The following POMK variants were observed in gnomAD, a reference collection of about 807,000 sequenced individuals.
POMK encodes protein O-mannose kinase.
In POMK, 19 loss-of-function variants were observed where a neutral mutation model predicts 23.0. The observed-to-expected ratio is 0.83, with a 90% CI of 0.58 to 1.21. POMK has a LOEUF of 1.21. POMK is among the 50% of genes most tolerant of loss of function. POMK has a pLI of 0.00. For missense variants in POMK, 410 were observed against 431.3 expected (o/e 0.95, Z 0.44); for synonymous variants, 173 against 171.6 (o/e 1.01, Z -0.06).
chr8:43,120,837 C>G (rs1811903037), intron 4 of POMK, among the ~76,000 whole-genome samples: 2 of 152,066 alleles, frequency 1.3e-5, no homozygotes, highest in African/African-American at 4.8e-5. Context: ...ACCACCACGC[C>G]TGGCTAATTT....
At chr8:43,113,225 C>T (rs1811717320) in intron 4 of POMK, among the ~76,000 whole-genome samples, 1 of 152,170 alleles carries the variant, frequency 6.6e-6, no homozygotes, top group African/African-American at 2.4e-5. Context: ...TGGTTCCATT[C>T]TCCCCATCAC....
In POMK at chr8:43,108,031, T is replaced by C. The variant is rs575816235; in HGVS notation, c.282+4201T>C. On this transcript the variant is annotated intron_variant, in intron 4 of 4. Coordinates refer to ENST00000331373, the MANE Select transcript of POMK (RefSeq NM_032237.5). ...CTTTTTAAATTGCCTTTGATGGAAC[T>C]CTGTTCCATAAGGAATCTCAGATAA... Among the ~76,000 whole-genome samples the C allele has an allele frequency of 2.6e-5, 4 of 152,336 alleles. No individual in the cohort carries two copies. In the South Asian group the frequency reaches 8.3e-4, roughly 32 times the overall value.
At chr8:43,117,630 A>G (rs906106331) in intron 4 of POMK, among the ~76,000 whole-genome samples, 1 of 152,270 alleles carries the variant, frequency 6.6e-6, no homozygotes, top group African/African-American at 2.4e-5. Flanking sequence ...GATAAAGGAC[A>G]GTGAACAGAC....
In POMK at chr8:43,103,739, A is replaced by G. The variant is rs1284742706; in HGVS notation, c.191A>G (p.Gln64Arg). 1 of 1,614,254 alleles carries G rather than the reference A, an allele frequency of 6.2e-7. No individual in the cohort carries two copies. The highest frequency in any genetic ancestry group is 1.3e-5 in the African/African-American group (1 of 75,068). ...HCPYGHFRIG[Q>R]MKNCSPWLSC... ...CCCTATGGTCACTTCAGGATAGGAC[A>G]GATGAAAAACTGCTCACCTTGGCTG... is the stretch of plus-strand genomic sequence containing the variant. Residue 64 changes from glutamine to arginine, a missense_variant, in exon 4 of 5, where the codon CAG (glutamine) becomes CGG (arginine). By Grantham distance (43) the Gln-to-Arg change is conservative (BLOSUM62 1). Coordinates refer to ENST00000331373, the MANE Select transcript of POMK (RefSeq NM_032237.5).
chr8:43,113,077 C>G (rs891061316), intron 4 of POMK, among the ~76,000 whole-genome samples: 1 of 152,128 alleles, frequency 6.6e-6, no homozygotes, highest in Admixed American at 6.5e-5. Context: ...GTGAATCTCA[C>G]AATTATGTGT....
chr8:43,112,490 G>T (rs1811695368), intron 4 of POMK, among the ~76,000 whole-genome samples: 1 of 152,202 alleles, frequency 6.6e-6, no homozygotes, highest in African/African-American at 2.4e-5. Context: ...AAAACACTCT[G>T]CAGGATATTA....
chr8:43,114,692 GTC>G (rs770448875), intron 4 of POMK, among the ~76,000 whole-genome samples: 1 of 152,242 alleles, frequency 6.6e-6, no homozygotes, highest in Non-Finnish European at 1.5e-5. Context: ...GAAATCACCT[GTC>G]TTCTGCGTCG....
chr8:43,108,136 C>T (rs564197826), intron 4 of POMK, among the ~76,000 whole-genome samples: 3 of 152,292 alleles, frequency 2.0e-5, no homozygotes, highest in African/African-American at 7.2e-5. Flanking sequence ...CCTCTTGATG[C>T]CCCTAGATAA....
At chr8:43,100,053 T>G (rs1348035136) in intron 2 of POMK, among the ~76,000 whole-genome samples, 1 of 152,156 alleles carries the variant, frequency 6.6e-6, no homozygotes. Context: ...GAGAGTCATC[T>G]GAGAGGGCAC....
At chr8:43,113,035 A>AATC (rs1227303665) in intron 4 of POMK, among the ~76,000 whole-genome samples, 2 of 152,246 alleles carry the variant, frequency 1.3e-5, no homozygotes, top group African/African-American at 4.8e-5. Flanking sequence ...CTAACATCAT[A>AATC]ATCACAGGAT....
intron 2 of POMK, among the ~76,000 whole-genome samples, chr8:43,098,865 A>G (rs1407571796): frequency 6.6e-6 from 1 of 152,224 alleles, no homozygotes; most frequent in Non-Finnish European, 1.5e-5. Flanking sequence ...GAAGCTGAGC[A>G]TCTTTCATGT....
At chr8:43,100,410 G>A (rs914971049) in intron 2 of POMK, among the ~76,000 whole-genome samples, 2 of 152,000 alleles carry the variant, frequency 1.3e-5, no homozygotes, top group African/African-American at 2.4e-5. Context: ...GGCCCAGTGT[G>A]TGTGCTAATG....
intron 4 of POMK, among the ~76,000 whole-genome samples, chr8:43,104,950 T>G (rs1049970137): frequency 6.6e-6 from 1 of 152,048 alleles, no homozygotes; most frequent in African/African-American, 2.4e-5. Flanking sequence ...AAAAAAAATA[T>G]GAAAATGATA....
chr8:43,112,182 G>A (rs1331780188), intron 4 of POMK, among the ~76,000 whole-genome samples: 9 of 152,144 alleles, frequency 5.9e-5, no homozygotes, highest in East Asian at 1.9e-4. Flanking sequence ...AAAATTAGAC[G>A]AATGGCTAAC....
chr8:43,114,522 C>G (rs1246251668), intron 4 of POMK, among the ~76,000 whole-genome samples: 1 of 152,230 alleles, frequency 6.6e-6, no homozygotes, highest in South Asian at 2.1e-4. Flanking sequence ...TCACCCCTTT[C>G]TTTGACTAGG....
At position 43,122,413 on chromosome 8, in the gene POMK, GTGGGCACACGGGTCATGT is replaced by G; in HGVS notation, c.590_607del (p.Val197_Cys203delinsGly). The G allele has an allele frequency of 1.9e-6, 3 of 1,614,202 alleles. No individual in the cohort carries two copies. Among genetic ancestry groups the G allele is most frequent in the Non-Finnish European group, 2.5e-6 (3 of 1,180,040 alleles). ...CATTAATTACCTGCACCACAGCCCT[GTGGGCACACGGGTCATGT>G]GCGACTCCAACGACCTGCCGAAGAC... On this transcript the variant is annotated inframe_deletion, in exon 5 of 5. Coordinates refer to ENST00000331373, the MANE Select transcript of POMK (RefSeq NM_032237.5).
intron 3 of POMK, 143 bp from the exon 4 acceptor site, chr8:43,103,384 TG>T: frequency 1.4e-6 from 1 of 720,620 alleles, no homozygotes; most frequent in African/African-American, 1.8e-5. Context: ...GGGATAAGCC[TG>T]GTGTTCGATA....
At chr8:43,099,158 C>G (rs1811390484) in intron 2 of POMK, among the ~76,000 whole-genome samples, 1 of 152,128 alleles carries the variant, frequency 6.6e-6, no homozygotes, top group South Asian at 2.1e-4. Flanking sequence ...ACTATGTTAC[C>G]CTGGCTGGTC....
chr8:43,100,081 G>T (rs530281645), intron 2 of POMK, among the ~76,000 whole-genome samples: 1 of 152,316 alleles, frequency 6.6e-6, no homozygotes, highest in African/African-American at 2.4e-5. Flanking sequence ...GAGTCCTTCG[G>T]GGCCTCTCTG....
Sources: gnomAD v4.1 joint callset for allele counts (sites outside exome capture counted in the v4.1 genomes callset) on GRCh38, gnomAD v4.1.1 for gene constraint, MANE v1.5 for transcripts, NCBI Gene and HGNC (gene_info 2026-07-23, HGNC 2026-07-21) for gene names.